SAMD3: variants seen among roughly 807,000 people sequenced by gnomAD.
SAMD3 encodes the protein sterile alpha motif domain-containing protein 3.
A neutral mutation model predicts 58.5 loss-of-function variants in SAMD3; 63 were observed. The observed-to-expected ratio is 1.08, with a 90% CI of 0.88 to 1.33. The LOEUF is 1.33. Among genes scored for constraint, SAMD3 ranks in the 40% most tolerant of loss-of-function variants. The probability of loss-of-function intolerance (pLI) is 0.00; values close to 1 mark genes in which losing one functional copy is unlikely to be tolerated. For missense variants in SAMD3, 604 were observed against 608.4 expected, an observed-to-expected ratio of 0.99 and a Z score of 0.08; for synonymous variants, 220 against 210.3, an observed-to-expected ratio of 1.05 and a Z score of -0.40.
intron 4 of SAMD3, among the ~76,000 whole-genome samples, chr6:130,211,433 G>A (rs530580323): frequency 6.6e-5 from 10 of 151,784 alleles, no homozygotes; most frequent in South Asian, 2.1e-4. Context: ...ACAGGCACCC[G>A]CCACCAGGTC....
intron 2 of SAMD3, among the ~76,000 whole-genome samples, chr6:130,255,753 CA>C (rs1377502243): frequency 6.6e-6 from 1 of 152,032 alleles, no homozygotes; most frequent in Non-Finnish European, 1.5e-5. Context: ...CTCAGCCTCC[CA>C]AAGTGCTGGG....
chr6:130,184,226 C>T, intron 6 of SAMD3, 39 bp from the exon 7 acceptor site: 7 of 1,510,882 alleles, frequency 4.6e-6, no homozygotes, highest in Non-Finnish European at 6.4e-6. Context: ...TCACTTCAAG[C>T]AAACCACATT....
chr6:130,273,203 A>G (rs1774630156), intron 2 of SAMD3, among the ~76,000 whole-genome samples: 1 of 152,034 alleles, frequency 6.6e-6, no homozygotes, highest in South Asian at 2.1e-4. Context: ...GTAGGTGCAC[A>G]CATATTTATT....
chr6:130,255,971 G>A (rs938931239), intron 2 of SAMD3, among the ~76,000 whole-genome samples: 1 of 151,278 alleles, frequency 6.6e-6, no homozygotes, highest in Admixed American at 6.6e-5. Context: ...TACATTAATT[G>A]TTTTCTGGTT....
intron 1 of SAMD3, among the ~76,000 whole-genome samples, chr6:130,362,392 G>A (rs1253765064): frequency 6.6e-6 from 1 of 152,236 alleles, no homozygotes. Context: ...ATGGACAGTG[G>A]AACAGGTGGG....
At chr6:130,250,102 A>T (rs1773690856) in intron 2 of SAMD3, among the ~76,000 whole-genome samples, 1 of 152,206 alleles carries the variant, frequency 6.6e-6, no homozygotes, top group South Asian at 2.1e-4. Flanking sequence ...CAACAGTTAC[A>T]TACAGCTATG....
intron 2 of SAMD3, among the ~76,000 whole-genome samples, chr6:130,260,625 G>A (rs1248582114): frequency 6.6e-6 from 1 of 152,184 alleles, no homozygotes; most frequent in Non-Finnish European, 1.5e-5. Context: ...TTGGTTCCCT[G>A]ACCGGGAAGC....
intron 1 of SAMD3, among the ~76,000 whole-genome samples, chr6:130,350,657 T>C (rs1459527844): frequency 6.6e-6 from 1 of 152,104 alleles, no homozygotes; most frequent in Non-Finnish European, 1.5e-5. Flanking sequence ...CCAAGGTAAT[T>C]TATAGATTCA....
chr6:130,283,501 C>A (rs542202627), intron 2 of SAMD3, among the ~76,000 whole-genome samples: 2 of 151,952 alleles, frequency 1.3e-5, no homozygotes, highest in South Asian at 4.2e-4. Context: ...AGGCAATCAG[C>A]GAGAAAATAC....
intron 2 of SAMD3, among the ~76,000 whole-genome samples, chr6:130,278,838 C>T (rs1381440503): frequency 6.6e-6 from 1 of 152,194 alleles, no homozygotes; most frequent in Non-Finnish European, 1.5e-5. Flanking sequence ...ACAATAATGC[C>T]TACTGCACGC....
intron 2 of SAMD3, among the ~76,000 whole-genome samples, chr6:130,235,998 T>G (rs1169040929): frequency 6.6e-6 from 1 of 152,110 alleles, no homozygotes; most frequent in Non-Finnish European, 1.5e-5. Context: ...AACCTAGAGG[T>G]CAAACACCCA....
chr6:130,215,452 G>A lies in SAMD3; in HGVS notation c.-21-158C>T, dbSNP rs923839020. 5.5e-6 allele frequency: 7 copies of A among 1,283,512 alleles called. No individual in the cohort carries two copies. In the Admixed American group the frequency reaches 2.6e-4, roughly 49 times the overall value. 79.5% of individuals were successfully genotyped at this position (1,283,512 alleles called of 1,614,324 possible). A position where few individuals can be genotyped will look rare whatever the true frequency, so the allele number is the denominator to read the frequency against. ...TTTTTACAATGTACATTTAAAAATT[G>A]CTAACAAAACACACACTCACTTTAA... On this transcript the variant is annotated intron_variant, in intron 2 of 11. Coordinates refer to ENST00000439090, the MANE Select transcript of SAMD3 (RefSeq NM_001017373.4).
At chr6:130,158,306 C>T (rs1789975351) in intron 8 of SAMD3, among the ~76,000 whole-genome samples, 1 of 152,124 alleles carries the variant, frequency 6.6e-6, no homozygotes. Flanking sequence ...AGTATCAAGA[C>T]ATTTTACAGC....
At chr6:130,294,625 A>G (rs1775492684) in intron 2 of SAMD3, among the ~76,000 whole-genome samples, 1 of 127,566 alleles carries the variant, frequency 7.8e-6, no homozygotes, top group African/African-American at 3.2e-5. Flanking sequence ...TGCAAGGATT[A>G]ATTTTTTTTT....
At chr6:130,268,126 A>G (rs190644759) in intron 2 of SAMD3, among the ~76,000 whole-genome samples, 2 of 152,324 alleles carry the variant, frequency 1.3e-5, no homozygotes, top group Non-Finnish European at 2.9e-5. Flanking sequence ...CTGTAAAGAC[A>G]TTGATGATCC....
chr6:130,301,033 C>T (rs980000553), intron 2 of SAMD3, among the ~76,000 whole-genome samples: 7 of 152,106 alleles, frequency 4.6e-5, no homozygotes, highest in African/African-American at 1.4e-4. Flanking sequence ...CGTGTTCTCA[C>T]TGTTCAACTC....
intron 8 of SAMD3, among the ~76,000 whole-genome samples, chr6:130,155,542 C>T (rs1001919777): frequency 6.6e-6 from 1 of 152,066 alleles, no homozygotes; most frequent in Admixed American, 6.6e-5. Flanking sequence ...CAACTGGGTA[C>T]GTTGGGCGGA....
At chr6:130,243,918 T>C (rs555670795) in intron 2 of SAMD3, among the ~76,000 whole-genome samples, 2 of 152,326 alleles carry the variant, frequency 1.3e-5, no homozygotes, top group East Asian at 1.9e-4. Context: ...CATGAATATA[T>C]ATGTCTGCAA....
intron 9 of SAMD3, among the ~76,000 whole-genome samples, chr6:130,149,439 C>T (rs1264213563): frequency 6.6e-6 from 1 of 152,184 alleles, no homozygotes; most frequent in Non-Finnish European, 1.5e-5. Flanking sequence ...GCACTATTCA[C>T]AATAGCAATA....
Sources: gnomAD v4.1 joint callset for allele counts (sites outside exome capture counted in the v4.1 genomes callset) on GRCh38, gnomAD v4.1.1 for gene constraint, MANE v1.5 for transcripts, NCBI Gene and HGNC (gene_info 2026-07-23, HGNC 2026-07-21) for gene names.